DNAJC15: variants seen among roughly 807,000 people sequenced by gnomAD.
The protein encoded by DNAJC15 is DnaJ heat shock protein family (Hsp40) member C15, also known as dnaJ homolog subfamily C member 15.
DNAJC15 carries 27 observed loss-of-function variants against 22.4 expected under a neutral mutation model. That is an observed-to-expected ratio of 1.20 (90% CI 0.89 to 1.66). DNAJC15 has a LOEUF of 1.66. DNAJC15 is among the 40% of genes most tolerant of loss of function. The pLI is 0.00. For synonymous variants in DNAJC15, 79 were observed against 63.2 expected (o/e 1.25, Z -1.19); for missense variants, 208 against 187.1 (o/e 1.11, Z -0.65).
chr13:43,097,567 A>G (rs922741030), intron 5 of DNAJC15, among the ~76,000 whole-genome samples: 2 of 152,230 alleles, frequency 1.3e-5, no homozygotes, highest in Non-Finnish European at 2.9e-5. Flanking sequence ...GGCAGTCACT[A>G]GAGAAAACTG....
At chr13:43,092,721 G>A (rs2040721168) in intron 5 of DNAJC15, among the ~76,000 whole-genome samples, 2 of 152,132 alleles carry the variant, frequency 1.3e-5, no homozygotes, top group Admixed American at 1.3e-4. Flanking sequence ...AGACCAGCCT[G>A]GGCAACATAG....
At chr13:43,059,824 C>T (rs1370435018) in intron 1 of DNAJC15, among the ~76,000 whole-genome samples, 3 of 152,222 alleles carry the variant, frequency 2.0e-5, no homozygotes, top group East Asian at 1.9e-4. Flanking sequence ...TTGGGATAGG[C>T]GGTGCAGTTA....
At chr13:43,056,309 T>C (rs2040531163) in intron 1 of DNAJC15, among the ~76,000 whole-genome samples, 1 of 152,096 alleles carries the variant, frequency 6.6e-6, no homozygotes, top group African/African-American at 2.4e-5. Context: ...TGGCTAATTT[T>C]GTATTTTTAG....
At position 43,112,975 on chromosome 13, in the gene DNAJC15, C is replaced by T. The variant is rs1231907603; in HGVS notation, c.*5727C>T. Reference sequence around the variant, plus strand: ...GAGTACCTAATCTCTTTAATTCTTCCCTGGAAGCTTACGATGTCCATCCAA... The same window carrying T: ...GAGTACCTAATCTCTTTAATTCTTCTCTGGAAGCTTACGATGTCCATCCAA... On this transcript the variant is annotated 3_prime_UTR_variant, in exon 6 of 6. Coordinates refer to ENST00000379221, the MANE Select transcript of DNAJC15 (RefSeq NM_013238.3). The T allele has an allele frequency of 6.6e-6, 1 of 152,074 alleles. No individual in the cohort carries two copies. The highest frequency in any genetic ancestry group is 1.5e-5 in the Non-Finnish European group (1 of 68,022). 9.4% of individuals were successfully genotyped at this position (152,074 alleles called of 1,614,324 possible). A position where few individuals can be genotyped will look rare whatever the true frequency, so the allele number is the denominator to read the frequency against.
intron 3 of DNAJC15, among the ~76,000 whole-genome samples, chr13:43,073,610 T>C (rs1401414668): frequency 6.6e-6 from 1 of 152,222 alleles, no homozygotes; most frequent in Non-Finnish European, 1.5e-5. Context: ...TTAGTGTTCT[T>C]GTTTTCCTGA....
At chr13:43,073,546 ATTG>A (rs1291262557) in intron 3 of DNAJC15, among the ~76,000 whole-genome samples, 1 of 152,060 alleles carries the variant, frequency 6.6e-6, no homozygotes, top group Non-Finnish European at 1.5e-5. Context: ...ATCTGTTTAT[ATTG>A]TTCTGGTTTA....
chr13:43,067,052 A>T (rs2040587709), intron 2 of DNAJC15, among the ~76,000 whole-genome samples: 1 of 152,142 alleles, frequency 6.6e-6, no homozygotes, highest in African/African-American at 2.4e-5. Flanking sequence ...ATAAAGATTT[A>T]CTTTTTTGTT....
At chr13:43,104,090 C>G (rs75033929) in intron 5 of DNAJC15, among the ~76,000 whole-genome samples, 1 of 151,990 alleles carries the variant, frequency 6.6e-6, no homozygotes, top group South Asian at 2.1e-4. Context: ...CCCATTTAAA[C>G]GCACAATTTG....
intron 1 of DNAJC15, among the ~76,000 whole-genome samples, chr13:43,023,983 A>C (rs2040365681): frequency 6.6e-6 from 1 of 152,240 alleles, no homozygotes. Flanking sequence ...ACAAACCAGA[A>C]AACAGGCAAT....
At chr13:43,030,284 G>A (rs939775664) in intron 1 of DNAJC15, among the ~76,000 whole-genome samples, 1 of 152,182 alleles carries the variant, frequency 6.6e-6, no homozygotes, top group Non-Finnish European at 1.5e-5. Flanking sequence ...TGTGTATAGG[G>A]AGGGTATAAA....
chr13:43,094,930 G>A (rs1023039764), intron 5 of DNAJC15, among the ~76,000 whole-genome samples: 9 of 151,938 alleles, frequency 5.9e-5, no homozygotes, highest in Non-Finnish European at 1.2e-4. Flanking sequence ...CTCCCCTTCC[G>A]GAATCTTTGG....
intron 1 of DNAJC15, among the ~76,000 whole-genome samples, chr13:43,062,087 T>G (rs2040561930): frequency 6.6e-6 from 1 of 152,138 alleles, no homozygotes; most frequent in South Asian, 2.1e-4. Flanking sequence ...GATAGTTTAT[T>G]GAAGGGACTG....
intron 1 of DNAJC15, among the ~76,000 whole-genome samples, chr13:43,064,513 G>T (rs2040573908): frequency 6.6e-6 from 1 of 152,144 alleles, no homozygotes; most frequent in Non-Finnish European, 1.5e-5. Context: ...TTCAGGATTT[G>T]CCTCTCCCAC....
chr13:43,037,836 C>A (rs1408037724), intron 1 of DNAJC15, among the ~76,000 whole-genome samples: 1 of 152,180 alleles, frequency 6.6e-6, no homozygotes, highest in African/African-American at 2.4e-5. Context: ...TTGGGCAGGT[C>A]ATGGAGCTGA....
At chr13:43,054,032 A>G (rs555920328) in intron 1 of DNAJC15, among the ~76,000 whole-genome samples, 2 of 152,244 alleles carry the variant, frequency 1.3e-5, no homozygotes, top group Admixed American at 6.5e-5. Flanking sequence ...TCCACTCAGT[A>G]TTATGTTGGC....
At chr13:43,102,220 T>C (rs2040772718) in intron 5 of DNAJC15, among the ~76,000 whole-genome samples, 1 of 152,172 alleles carries the variant, frequency 6.6e-6, no homozygotes, top group South Asian at 2.1e-4. Context: ...TGGCCATTTG[T>C]GTATCTTCTT....
chr13:43,031,958 A>G (rs767404095), intron 1 of DNAJC15, among the ~76,000 whole-genome samples: 1 of 152,274 alleles, frequency 6.6e-6, no homozygotes, highest in Non-Finnish European at 1.5e-5. Flanking sequence ...AAATGAAACT[A>G]GGATGGTGAA....
At chr13:43,027,767 C>T (rs1314277026) in intron 1 of DNAJC15, among the ~76,000 whole-genome samples, 1 of 152,060 alleles carries the variant, frequency 6.6e-6, no homozygotes, top group African/African-American at 2.4e-5. Flanking sequence ...CCTGAGTCTC[C>T]TGCCTCAGCC....
intron 3 of DNAJC15, 47 bp from the exon 4 acceptor site, chr13:43,078,565 C>T (rs1424312192): frequency 2.6e-6 from 4 of 1,541,780 alleles, no homozygotes; most frequent in Non-Finnish European, 3.6e-6. Context: ...GGTCATGCCA[C>T]CTCATACGTG....
Sources: allele counts gnomAD v4.1 joint callset (sites outside exome capture counted in the v4.1 genomes callset), GRCh38; gene constraint gnomAD v4.1.1; transcripts MANE v1.5; gene names NCBI Gene and HGNC (gene_info 2026-07-23, HGNC 2026-07-21).